Variants in MBD3L1 observed in about 807,000 individuals in gnomAD.
The protein encoded by MBD3L1 is methyl-CpG-binding domain protein 3-like 1.
For missense variants in MBD3L1, 203 were observed against 230.1 expected, an observed-to-expected ratio of 0.88 and a Z score of 0.76; for synonymous variants, 84 against 85.1, an observed-to-expected ratio of 0.99 and a Z score of 0.07.
intron 1 of MBD3L1, among the ~76,000 whole-genome samples, chr19:8,837,826 C>T (rs2044470036): frequency 6.6e-6 from 1 of 152,042 alleles, no homozygotes; most frequent in Non-Finnish European, 1.5e-5. Context: ...TATTTCATTC[C>T]ATATTTTGGT....
At chr19:8,838,352 T>C (rs997937946) in intron 1 of MBD3L1, among the ~76,000 whole-genome samples, 1 of 137,486 alleles carries the variant, frequency 7.3e-6, no homozygotes, top group African/African-American at 2.7e-5. Context: ...TGTCAAATAA[T>C]CCCCAAAGGA....
rs2044387348 is a variant in MBD3L1 at position 8,832,519 on chromosome 19, G to C, written c.-110G>C. The C allele has an allele frequency of 6.5e-6, 1 of 153,082 alleles. No individual in the cohort carries two copies. Among genetic ancestry groups the C allele is most frequent in the Non-Finnish European group, 1.5e-5 (1 of 68,568 alleles). 9.5% of individuals were successfully genotyped at this position (153,082 alleles called of 1,614,324 possible). A position where few individuals can be genotyped will look rare whatever the true frequency, so the allele number is the denominator to read the frequency against. ...TTGGGCCCTGGCCTGGGGCAGTAGC[G>C]GGGGTAAGGTTGGCCCTGGGGGCGG... On this transcript the variant is annotated 5_prime_UTR_variant, in exon 1 of 3. Coordinates refer to ENST00000595891, the MANE Select transcript of MBD3L1 (RefSeq NM_001393532.1).
intron 1 of MBD3L1, among the ~76,000 whole-genome samples, chr19:8,836,823 A>G (rs773771774): frequency 1.3e-4 from 20 of 152,202 alleles, no homozygotes; most frequent in Non-Finnish European, 2.5e-4. Context: ...ACACCATCAC[A>G]TTATTAAATG....
In MBD3L1 at chr19:8,843,203, T is replaced by G. The variant is rs1459975422; in HGVS notation, c.525T>G (p.Asp175Glu). The G allele has an allele frequency of 6.8e-6, 11 of 1,612,172 alleles. No homozygotes were observed. Among genetic ancestry groups the G allele is most frequent in the Non-Finnish European group, 9.3e-6 (11 of 1,179,226 alleles). ...GACTCGCAATAGCACTGATTGCGGATGGACTCGCTAATGAGGCAGAGAAAG... is the reference window on the plus strand; with the variant it reads ...GACTCGCAATAGCACTGATTGCGGAGGGACTCGCTAATGAGGCAGAGAAAG... ...RERLAIALIA[D>E]GLANEAEKVR... The change falls in exon 3 of 3, where the codon GAT becomes GAG. Residue 175 changes from aspartate (D) to glutamate (E), a missense_variant. Coordinates refer to ENST00000595891, the MANE Select transcript of MBD3L1 (RefSeq NM_001393532.1).
intron 1 of MBD3L1, among the ~76,000 whole-genome samples, chr19:8,837,943 T>C (rs1355885958): frequency 1.3e-5 from 2 of 151,808 alleles, no homozygotes; most frequent in African/African-American, 4.8e-5. Context: ...AGGCTGAAAT[T>C]CTACCCAGAA....
chr19:8,833,862 C>T (rs1568482296), intron 1 of MBD3L1, among the ~76,000 whole-genome samples: 2 of 152,082 alleles, frequency 1.3e-5, no homozygotes, highest in African/African-American at 4.8e-5. Flanking sequence ...TGGCGGATGC[C>T]TTGTAATCCC....
At chr19:8,834,715 A>G (rs2044436212) in intron 1 of MBD3L1, among the ~76,000 whole-genome samples, 1 of 152,176 alleles carries the variant, frequency 6.6e-6, no homozygotes, top group Non-Finnish European at 1.5e-5. Context: ...ACCATGTACA[A>G]AAGTGAGCTC....
At chr19:8,837,486 A>G (rs188991926) in intron 1 of MBD3L1, among the ~76,000 whole-genome samples, 11 of 152,338 alleles carry the variant, frequency 7.2e-5, no homozygotes, top group Admixed American at 4.6e-4. Context: ...TGTAACCCAC[A>G]AAGTCTAGGA....
intron 1 of MBD3L1, among the ~76,000 whole-genome samples, chr19:8,839,558 C>T (rs563786715): frequency 1.3e-5 from 2 of 152,068 alleles, no homozygotes; most frequent in Non-Finnish European, 2.9e-5. Flanking sequence ...CCAGGTTGTT[C>T]CAAGCATACT....
chr19:8,836,020 AGTGG>A (rs2044451441), intron 1 of MBD3L1, among the ~76,000 whole-genome samples: 1 of 152,220 alleles, frequency 6.6e-6, no homozygotes, highest in African/African-American at 2.4e-5. Context: ...AATGAGGGGA[AGTGG>A]GTAATGGTAT....
At chr19:8,840,706 A>C (rs2044503358) in intron 1 of MBD3L1, among the ~76,000 whole-genome samples, 1 of 152,246 alleles carries the variant, frequency 6.6e-6, no homozygotes, top group Admixed American at 6.5e-5. Flanking sequence ...ACCATCAGGT[A>C]AGTTAAGGAG....
intron 1 of MBD3L1, among the ~76,000 whole-genome samples, chr19:8,839,292 C>G (rs929833100): frequency 6.8e-6 from 1 of 147,702 alleles, no homozygotes; most frequent in Non-Finnish European, 1.5e-5. Context: ...TCACGCCATT[C>G]TCCTGCCTCA....
intron 1 of MBD3L1, among the ~76,000 whole-genome samples, chr19:8,839,278 A>G (rs1369459076): frequency 7.3e-6 from 1 of 137,680 alleles, no homozygotes. Context: ...TCCGCCTCCC[A>G]GGTTCACGCC....
intron 2 of MBD3L1, 70 bp from the exon 3 acceptor site, chr19:8,842,588 T>G (rs1390098328): frequency 2.6e-6 from 3 of 1,139,540 alleles, no homozygotes; most frequent in Non-Finnish European, 3.8e-6. Flanking sequence ...CCAGAACAGC[T>G]GAGATCCTTG....
At chr19:8,841,177 C>A (rs1275731294) in intron 2 of MBD3L1, among the ~76,000 whole-genome samples, 178 bp downstream of exon 2, 1 of 151,760 alleles carries the variant, frequency 6.6e-6, no homozygotes, top group Non-Finnish European at 1.5e-5. Context: ...CAGGTGTGCG[C>A]CACCACACCC....
At chr19:8,834,638 CA>C (rs778953517) in intron 1 of MBD3L1, among the ~76,000 whole-genome samples, 20 of 129,824 alleles carry the variant, frequency 1.5e-4, no homozygotes, top group East Asian at 4.5e-4. Flanking sequence ...CAAAAAAAAA[CA>C]AAAAAAAAAC....
At chr19:8,840,285 C>A (rs1376113347) in intron 1 of MBD3L1, among the ~76,000 whole-genome samples, 1 of 151,936 alleles carries the variant, frequency 6.6e-6, no homozygotes, top group Non-Finnish European at 1.5e-5. Flanking sequence ...TCAGATCACT[C>A]TTGGTGGATA....
intron 1 of MBD3L1, among the ~76,000 whole-genome samples, chr19:8,833,964 G>C (rs192707960): frequency 6.6e-6 from 1 of 151,852 alleles, no homozygotes; most frequent in African/African-American, 2.4e-5. Context: ...ACTCCAGCCC[G>C]GGTGACGAGC....
At chr19:8,834,353 T>G (rs2044429940) in intron 1 of MBD3L1, among the ~76,000 whole-genome samples, 1 of 152,102 alleles carries the variant, frequency 6.6e-6, no homozygotes, top group African/African-American at 2.4e-5. Flanking sequence ...CTCACGCCTG[T>G]AACCCCAGCA....
Sources: gnomAD v4.1 joint callset for allele counts (sites outside exome capture counted in the v4.1 genomes callset) on GRCh38, gnomAD v4.1.1 for gene constraint, MANE v1.5 for transcripts, NCBI Gene and HGNC (gene_info 2026-07-23, HGNC 2026-07-21) for gene names.